EDEM2: variants seen among roughly 807,000 people sequenced by gnomAD.
EDEM2 encodes ER degradation enhancing alpha-mannosidase like protein 2, also known as ER degradation-enhancing alpha-mannosidase-like protein 2.
A neutral mutation model predicts 64.8 loss-of-function variants in EDEM2; 39 were observed. The ratio of observed to expected loss-of-function variants is 0.60; its 90% CI spans 0.47 to 0.79. EDEM2 has a LOEUF of 0.79. Ranked by LOEUF, EDEM2 falls within the 30% of genes least tolerant of loss-of-function variation. The pLI is 0.00. For missense variants in EDEM2, 609 were observed against 731.3 expected, an observed-to-expected ratio of 0.83 and a Z score of 1.93; for synonymous variants, 296 against 291.5, an observed-to-expected ratio of 1.02 and a Z score of -0.16.
At chr20:35,131,476 G>T (rs926736256) in intron 7 of EDEM2, among the ~76,000 whole-genome samples, 166 bp downstream of exon 7, 2 of 152,282 alleles carry the variant, frequency 1.3e-5, no homozygotes, top group African/African-American at 4.8e-5. Flanking sequence ...TGAGGCATGA[G>T]AATCACTTGA....
In EDEM2 at chr20:35,126,267, T is replaced by C. The variant is rs2085430897; in HGVS notation, c.953A>G (p.Tyr318Cys). 1 of 1,613,926 alleles carries C rather than the reference T, an allele frequency of 6.2e-7. No homozygotes were observed. The highest frequency in any genetic ancestry group is 8.5e-7 in the Non-Finnish European group (1 of 1,180,016). The change falls in exon 8 of 11, where the codon TAC becomes TGC. Residue 318 changes from tyrosine (Y) to cysteine (C), a missense_variant. Transcript: ENST00000374492. Reference protein sequence around the residue: ...SMPVFQSLEAYWPGLQSLIGD... With the variant: ...SMPVFQSLEACWPGLQSLIGD... ...CATTCCTACCTGAAGACCAGGCCAGTAGGCCTCCAAGGACTGGAAGACTGG... is the reference window on the plus strand; with the variant it reads ...CATTCCTACCTGAAGACCAGGCCAGCAGGCCTCCAAGGACTGGAAGACTGG...
At position 35,115,823 on chromosome 20, in the gene EDEM2, G is replaced by C. The variant is rs372794507; in HGVS notation, c.1347C>G (p.Asn449Lys). ...LLFDPTNFIH[N>K]NGSTFDAVIT... ...TCACCGCGTCGAAGGTGGACCCATT[G>C]TTGTGGATGAAGTTGGTTGGGTCAA... Residue 449 changes from asparagine to lysine, a missense_variant, in exon 11 of 11, where the codon AAC becomes AAG. Physicochemically the swap from Asn to Lys is moderately conservative, Grantham distance 94 (BLOSUM62 0). Transcript: ENST00000374492. 10 of 1,614,218 alleles carry C rather than the reference G, an allele frequency of 6.2e-6. No homozygotes were observed. Among genetic ancestry groups the C allele is most frequent in the South Asian group, 1.1e-5 (1 of 91,088 alleles).
At chr20:35,127,213 T>C (rs899908279) in intron 7 of EDEM2, among the ~76,000 whole-genome samples, 1 of 152,218 alleles carries the variant, frequency 6.6e-6, no homozygotes, top group African/African-American at 2.4e-5. Context: ...CATGTGGAAC[T>C]GTGAGTCCAT....
chr20:35,135,843 C>T (rs2085568834), intron 5 of EDEM2, among the ~76,000 whole-genome samples: 1 of 152,180 alleles, frequency 6.6e-6, no homozygotes, highest in Non-Finnish European at 1.5e-5. Flanking sequence ...AATTCAGCCA[C>T]AGGTCACACA....
Position 35,144,965 on chromosome 20 carries a change from G to C in EDEM2, c.258+14C>G. The C allele has an allele frequency of 1.2e-6, 2 of 1,613,880 alleles. No homozygotes were observed. Among genetic ancestry groups the C allele is most frequent in the Non-Finnish European group, 1.7e-6 (2 of 1,179,806 alleles). ...GTAACAGTGGAAAGGAAAAGAAACAGACGAGATACTTACCAGCAAGGTGTC... is the reference window on the plus strand; with the variant it reads ...GTAACAGTGGAAAGGAAAAGAAACACACGAGATACTTACCAGCAAGGTGTC... On this transcript the variant is annotated intron_variant, in intron 3 of 10. Transcript: ENST00000374492.
chr20:35,116,952 G>C (rs12481340), intron 10 of EDEM2, among the ~76,000 whole-genome samples: 1 of 152,014 alleles, frequency 6.6e-6, no homozygotes, highest in Non-Finnish European at 1.5e-5. Flanking sequence ...ACCACACCCA[G>C]GTAATTTTTT....
chr20:35,138,714 G>C (rs2085612301), intron 4 of EDEM2, among the ~76,000 whole-genome samples: 1 of 151,592 alleles, frequency 6.6e-6, no homozygotes, highest in Admixed American at 6.6e-5. Context: ...CGAGTAGCTG[G>C]GACTACAGGA....
intron 7 of EDEM2, among the ~76,000 whole-genome samples, chr20:35,127,635 T>C (rs2088455800): frequency 6.6e-6 from 1 of 152,204 alleles, no homozygotes; most frequent in Non-Finnish European, 1.5e-5. Flanking sequence ...ACAGTCCATG[T>C]TCAGAGCTTG....
intron 4 of EDEM2, among the ~76,000 whole-genome samples, chr20:35,141,705 A>G (rs2085656465): frequency 6.6e-6 from 1 of 152,200 alleles, no homozygotes; most frequent in African/African-American, 2.4e-5. Context: ...GAAGTCTGCT[A>G]AAAATACTGA....
intron 9 of EDEM2, among the ~76,000 whole-genome samples, chr20:35,123,467 C>G (rs2085392165): frequency 6.6e-6 from 1 of 152,154 alleles, no homozygotes; most frequent in African/African-American, 2.4e-5. Flanking sequence ...TGGCTCATGC[C>G]TGTAATCCCA....
chr20:35,118,065 A>T (rs370107882), intron 10 of EDEM2, among the ~76,000 whole-genome samples: 1 of 152,138 alleles, frequency 6.6e-6, no homozygotes, highest in Non-Finnish European at 1.5e-5. Flanking sequence ...TACCAGATAC[A>T]CATTCATGGT....
At chr20:35,140,371 C>A (rs1233066117) in intron 4 of EDEM2, among the ~76,000 whole-genome samples, 1 of 152,080 alleles carries the variant, frequency 6.6e-6, no homozygotes, top group African/African-American at 2.4e-5. Flanking sequence ...GTAATCCCAG[C>A]TACTCTGGAG....
chr20:35,131,384 C>T (rs2085503322), intron 7 of EDEM2, among the ~76,000 whole-genome samples: 2 of 152,104 alleles, frequency 1.3e-5, no homozygotes, highest in South Asian at 2.1e-4. Flanking sequence ...AACCCCGTTT[C>T]TACTAAAAAT....
chr20:35,145,883 T>C (rs1016672776), intron 2 of EDEM2, among the ~76,000 whole-genome samples: 3 of 151,166 alleles, frequency 2.0e-5, no homozygotes, highest in African/African-American at 4.9e-5. Context: ...GCTCCTGTAA[T>C]CCCAACTACT....
chr20:35,118,442 T>G (rs1762635586), intron 10 of EDEM2, 156 bp downstream of exon 10: 2 of 1,132,850 alleles, frequency 1.8e-6, no homozygotes, highest in Middle Eastern at 2.1e-4. Flanking sequence ...TTCTCTGTTC[T>G]TTGGTCTCCC....
At chr20:35,128,043 G>A (rs1028413482) in intron 7 of EDEM2, among the ~76,000 whole-genome samples, 9 of 152,068 alleles carry the variant, frequency 5.9e-5, no homozygotes, top group Admixed American at 3.9e-4. Context: ...CCATTTACGC[G>A]TTTATGTATT....
intron 9 of EDEM2, among the ~76,000 whole-genome samples, chr20:35,118,984 C>T (rs187121807): frequency 4.6e-5 from 7 of 152,296 alleles, no homozygotes; most frequent in African/African-American, 7.2e-5. Context: ...GAGAAGGTGG[C>T]GGAGGTTGTT....
chr20:35,118,426 C>T, intron 10 of EDEM2, 172 bp downstream of exon 10: 1 of 965,372 alleles, frequency 1.0e-6, no homozygotes, highest in Non-Finnish European at 1.5e-6. Context: ...TAGCAAGGCA[C>T]TTAGCTTCTC....
intron 5 of EDEM2, among the ~76,000 whole-genome samples, chr20:35,136,526 G>A (rs1413950710): frequency 6.6e-6 from 1 of 152,148 alleles, no homozygotes; most frequent in Non-Finnish European, 1.5e-5. Flanking sequence ...GGAGTCCAAG[G>A]CAGATGGATC....
Sources: allele counts gnomAD v4.1 joint callset (sites outside exome capture counted in the v4.1 genomes callset), GRCh38; gene constraint gnomAD v4.1.1; transcripts MANE v1.5; gene names NCBI Gene and HGNC (gene_info 2026-07-23, HGNC 2026-07-21).